The following SNX29 variants were observed in gnomAD, a reference collection of about 807,000 sequenced individuals.
The protein encoded by SNX29 is sorting nexin-29.
In SNX29, 78 loss-of-function variants were observed where a neutral mutation model predicts 102.1. The ratio of observed to expected loss-of-function variants is 0.76; its 90% CI spans 0.64 to 0.92. The LOEUF is 0.92. SNX29 is among the 40% of genes least tolerant of loss of function. The pLI is 0.00. For synonymous variants in SNX29, 580 were observed against 414.5 expected (o/e 1.40, Z -4.85); for missense variants, 1,280 against 1,061.7 (o/e 1.21, Z -2.86).
At chr16:12,318,146 G>T (rs931674317) in intron 15 of SNX29, among the ~76,000 whole-genome samples, 1 of 152,248 alleles carries the variant, frequency 6.6e-6, no homozygotes, top group African/African-American at 2.4e-5. Flanking sequence ...AAGAGAGTGA[G>T]CTTCTTCCAG....
At chr16:12,240,950 G>A (rs830734) in intron 14 of SNX29, among the ~76,000 whole-genome samples, 104,654 of 152,018 alleles carry the variant, frequency 0.69, 37,044 homozygotes, top group African/African-American at 0.85. Flanking sequence ...TACTTTTTCT[G>A]CATAATTATT....
At chr16:12,550,535 A>C (rs1303998967) in intron 20 of SNX29, among the ~76,000 whole-genome samples, 6 of 146,506 alleles carry the variant, frequency 4.1e-5, no homozygotes, top group African/African-American at 8.2e-5. Context: ...AATCTACAAA[A>C]AAAAAAAAAA....
chr16:12,162,453 T>C (rs965044624), intron 13 of SNX29, among the ~76,000 whole-genome samples: 4 of 152,192 alleles, frequency 2.6e-5, no homozygotes, highest in Admixed American at 6.5e-5. Context: ...TTGCAGGCCA[T>C]ATGGTCTCTG....
chr16:12,550,246 G>C (rs1265758686), intron 20 of SNX29, among the ~76,000 whole-genome samples: 1 of 152,126 alleles, frequency 6.6e-6, no homozygotes, highest in East Asian at 1.9e-4. Context: ...TTTAGAAATA[G>C]CAAATATGGG....
intron 15 of SNX29, among the ~76,000 whole-genome samples, chr16:12,317,950 G>A (rs960171361): frequency 2.0e-5 from 3 of 152,260 alleles, no homozygotes; most frequent in African/African-American, 7.2e-5. Flanking sequence ...CGGCCTGGGG[G>A]AAACACGCTT....
intron 12 of SNX29, among the ~76,000 whole-genome samples, chr16:12,128,684 C>T (rs1434686991): frequency 6.6e-6 from 1 of 152,088 alleles, no homozygotes; most frequent in African/African-American, 2.4e-5. Context: ...AACTCCTGAC[C>T]TCAAGTGATC....
chr16:12,555,345 TGTTG>T (rs1567190297), intron 20 of SNX29, among the ~76,000 whole-genome samples: 2 of 151,710 alleles, frequency 1.3e-5, no homozygotes, highest in Non-Finnish European at 2.9e-5. Flanking sequence ...CTGAGAAACA[TGTTG>T]GTTAACTTTT....
chr16:12,301,998 A>G (rs751335910), intron 15 of SNX29, among the ~76,000 whole-genome samples: 1 of 152,330 alleles, frequency 6.6e-6, no homozygotes, highest in Non-Finnish European at 1.5e-5. Flanking sequence ...GTTATATACA[A>G]AAGAAAGATA....
chr16:12,551,877 C>G (rs184787348), intron 20 of SNX29, among the ~76,000 whole-genome samples: 1 of 152,168 alleles, frequency 6.6e-6, no homozygotes, highest in African/African-American at 2.4e-5. Flanking sequence ...TATTTCTAGC[C>G]TGTCTGCTCA....
chr16:12,567,746 A>G (rs566348471), intron 20 of SNX29, among the ~76,000 whole-genome samples: 2 of 152,334 alleles, frequency 1.3e-5, no homozygotes, highest in Admixed American at 6.5e-5. Flanking sequence ...CCTGGGCAAG[A>G]GTCGAGACTG....
chr16:12,014,134 T>A (rs1270642104), intron 3 of SNX29, among the ~76,000 whole-genome samples: 1 of 152,090 alleles, frequency 6.6e-6, no homozygotes, highest in Non-Finnish European at 1.5e-5. Context: ...TTGGTTTGAA[T>A]TTTTTGTTCT....
intron 16 of SNX29, among the ~76,000 whole-genome samples, chr16:12,393,420 T>G (rs199524277): frequency 9.4e-5 from 10 of 106,872 alleles, no homozygotes; most frequent in South Asian, 2.8e-4. Context: ...ATGCATTCAT[T>G]CATTCATTCA....
At chr16:12,358,111 T>A (rs2082193765) in intron 16 of SNX29, among the ~76,000 whole-genome samples, 1 of 152,244 alleles carries the variant, frequency 6.6e-6, no homozygotes, top group South Asian at 2.1e-4. Context: ...TACCTAAGTG[T>A]GAAATTGCGG....
chr16:12,116,734 CTT>C (rs2053718757), intron 11 of SNX29, among the ~76,000 whole-genome samples: 2 of 152,150 alleles, frequency 1.3e-5, no homozygotes, highest in African/African-American at 4.8e-5. Context: ...TGGAAACAGG[CTT>C]AGTCAATACA....
intron 16 of SNX29, among the ~76,000 whole-genome samples, chr16:12,366,530 G>A (rs189509399): frequency 1.3e-5 from 2 of 152,298 alleles, no homozygotes; most frequent in East Asian, 1.9e-4. Context: ...GTGACATAGC[G>A]TGGCTGTGGG....
intron 14 of SNX29, among the ~76,000 whole-genome samples, chr16:12,226,197 T>C (rs2077607019): frequency 6.6e-6 from 1 of 152,186 alleles, no homozygotes; most frequent in Non-Finnish European, 1.5e-5. Context: ...AGGCAGCCAC[T>C]AGAAAGGTGC....
chr16:12,514,922 A>G (rs200514740), intron 19 of SNX29, among the ~76,000 whole-genome samples: 3 of 99,122 alleles, frequency 3.0e-5, no homozygotes, highest in African/African-American at 1.2e-4. Context: ...GAAAGAGAGA[A>G]AGAAAGAAAG....
chr16:12,573,005 A>T lies in SNX29; in HGVS notation c.*4376A>T, dbSNP rs1328927606. Reference sequence around the variant, plus strand: ...GCATTAATTCATTAAAGCTACTGTTAAATATTTGCTGTTTTTAGATTGGCG... The same window carrying T: ...GCATTAATTCATTAAAGCTACTGTTTAATATTTGCTGTTTTTAGATTGGCG... On this transcript the variant is annotated 3_prime_UTR_variant, in exon 21 of 21. Coordinates refer to ENST00000566228, the MANE Select transcript of SNX29 (RefSeq NM_032167.5). 3.1e-6 allele frequency: 1 copy of T among 320,366 alleles called. No individual in the cohort carries two copies. The highest frequency in any genetic ancestry group is 2.1e-5 in the African/African-American group (1 of 46,720). 19.8% of individuals were successfully genotyped at this position (320,366 alleles called of 1,614,324 possible).
intron 15 of SNX29, among the ~76,000 whole-genome samples, chr16:12,292,789 C>T (rs1274277801): frequency 6.6e-6 from 1 of 152,204 alleles, no homozygotes. Context: ...GGATCTAAAA[C>T]CTTCTGTTGC....
Sources: gnomAD v4.1 joint callset for allele counts (sites outside exome capture counted in the v4.1 genomes callset) on GRCh38, gnomAD v4.1.1 for gene constraint, MANE v1.5 for transcripts, NCBI Gene and HGNC (gene_info 2026-07-23, HGNC 2026-07-21) for gene names.